The following BNC2 variants were observed in gnomAD, a reference collection of about 807,000 sequenced individuals.
The protein encoded by BNC2 is zinc finger protein basonuclin-2.
BNC2 carries 20 observed loss-of-function variants against 76.3 expected under a neutral mutation model. The ratio of observed to expected loss-of-function variants is 0.26; its 90% CI spans 0.18 to 0.38. BNC2 has a LOEUF of 0.38. BNC2 is among the 10% of genes least tolerant of loss of function. The pLI is 1.00. For synonymous variants in BNC2, 582 were observed against 514.8 expected (o/e 1.13, Z -1.77); for missense variants, 1,382 against 1,399.8 (o/e 0.99, Z 0.20).
chr9:16,768,533 A>T lies in BNC2; in HGVS notation c.4-30048T>A, dbSNP rs139318703. ...TGGGATATGTTCAATTTGATAGACC[A>T]AATGCACATGTTAGTAGAATAAATG... On this transcript the variant is annotated intron_variant, in intron 1 of 6. Coordinates refer to ENST00000380672, the MANE Select transcript of BNC2 (RefSeq NM_017637.6). Among the ~76,000 whole-genome samples, 83 of 152,324 alleles carry T rather than the reference A, an allele frequency of 5.4e-4. 1 individual carries two copies. The East Asian group carries it at 0.016, about 29-fold the overall frequency.
intron 3 of BNC2, among the ~76,000 whole-genome samples, chr9:16,629,956 A>G (rs577328944): frequency 6.6e-6 from 1 of 152,328 alleles, no homozygotes; most frequent in African/African-American, 2.4e-5. Flanking sequence ...TGACTCTTCC[A>G]TTCAGAAAAG....
At chr9:16,525,022 G>A (rs1325698221) in intron 5 of BNC2, among the ~76,000 whole-genome samples, 1 of 149,334 alleles carries the variant, frequency 6.7e-6, no homozygotes, top group Non-Finnish European at 1.5e-5. Flanking sequence ...GCAGTGAGCT[G>A]TGATAGCGCC....
At chr9:16,522,050 G>C (rs79489131) in intron 5 of BNC2, among the ~76,000 whole-genome samples, 110 of 152,214 alleles carry the variant, frequency 7.2e-4, no homozygotes, top group African/African-American at 2.6e-3. Context: ...TCCTCTGCTT[G>C]AGCTGAGATG....
chr9:16,855,139 G>A (rs1227395433), intron 1 of BNC2, among the ~76,000 whole-genome samples: 2 of 151,998 alleles, frequency 1.3e-5, no homozygotes, highest in African/African-American at 4.8e-5. Context: ...CATGGCGTGT[G>A]TGTGTGTGTG....
intron 3 of BNC2, among the ~76,000 whole-genome samples, chr9:16,623,182 T>C (rs577714015): frequency 5.3e-5 from 8 of 152,274 alleles, no homozygotes; most frequent in African/African-American, 1.9e-4. Flanking sequence ...CATGTATCCT[T>C]GCTTTATGGA....
chr9:16,669,637 A>T (rs1171758832), intron 3 of BNC2, among the ~76,000 whole-genome samples: 1 of 152,216 alleles, frequency 6.6e-6, no homozygotes, highest in Non-Finnish European at 1.5e-5. Context: ...AGGGAATTAA[A>T]GTATGTGAGA....
At chr9:16,487,958 C>A (rs1362484232) in intron 5 of BNC2, among the ~76,000 whole-genome samples, 2 of 152,174 alleles carry the variant, frequency 1.3e-5, no homozygotes, top group South Asian at 2.1e-4. Flanking sequence ...GAAGAGAGGG[C>A]TCAATCCCGG....
At chr9:16,510,181 G>A (rs940752645) in intron 5 of BNC2, among the ~76,000 whole-genome samples, 2 of 152,150 alleles carry the variant, frequency 1.3e-5, no homozygotes, top group African/African-American at 4.8e-5. Flanking sequence ...TAGAGAAGCT[G>A]GCCTCAGTGC....
chr9:16,708,966 C>T (rs544983790), intron 3 of BNC2, among the ~76,000 whole-genome samples: 7 of 152,106 alleles, frequency 4.6e-5, no homozygotes, highest in Non-Finnish European at 7.4e-5. Context: ...TAATTTATAA[C>T]GCTTCACCCT....
chr9:16,795,405 C>T (rs567375898), intron 1 of BNC2, among the ~76,000 whole-genome samples: 2 of 147,262 alleles, frequency 1.4e-5, no homozygotes, highest in African/African-American at 5.0e-5. Flanking sequence ...TTTTTAAACA[C>T]ACTCCAGAAG....
intron 3 of BNC2, among the ~76,000 whole-genome samples, chr9:16,682,549 AGTT>A (rs1172206250): frequency 6.6e-6 from 1 of 152,096 alleles, no homozygotes; most frequent in African/African-American, 2.4e-5. Flanking sequence ...GAGCAGCCAC[AGTT>A]GTTCATTAAT....
chr9:16,674,456 C>G (rs564441736), intron 3 of BNC2, among the ~76,000 whole-genome samples: 65 of 152,228 alleles, frequency 4.3e-4, no homozygotes, highest in Admixed American at 3.7e-3. Flanking sequence ...AAGGAGTATC[C>G]TGGTGTCATG....
At chr9:16,539,827 A>AGGAAGGGAAG (rs1563831116) in intron 5 of BNC2, among the ~76,000 whole-genome samples, 1 of 119,842 alleles carries the variant, frequency 8.3e-6, no homozygotes, top group Non-Finnish European at 1.8e-5. Context: ...AGGAAAGGAA[A>AGGAAGGGAAG]GGAAGGGAAG....
chr9:16,747,607 G>A (rs563992999), intron 1 of BNC2, among the ~76,000 whole-genome samples: 1 of 152,298 alleles, frequency 6.6e-6, no homozygotes, highest in Non-Finnish European at 1.5e-5. Context: ...GTCAAACTGG[G>A]AATTCAAGAC....
At chr9:16,734,484 C>G (rs912683088) in intron 2 of BNC2, among the ~76,000 whole-genome samples, 11 of 152,186 alleles carry the variant, frequency 7.2e-5, no homozygotes, top group Admixed American at 2.6e-4. Context: ...TTATACATGT[C>G]ACTTCATATT....
chr9:16,759,674 T>C (rs1825494814), intron 1 of BNC2, among the ~76,000 whole-genome samples: 2 of 152,084 alleles, frequency 1.3e-5, no homozygotes, highest in Admixed American at 6.6e-5. Flanking sequence ...CAACTGAAGG[T>C]AGAAGTCACA....
chr9:16,695,364 T>G (rs555684511), intron 3 of BNC2, among the ~76,000 whole-genome samples: 6 of 152,092 alleles, frequency 3.9e-5, no homozygotes, highest in Non-Finnish European at 8.8e-5. Context: ...TGATGTGCAT[T>G]TGTGACTCGC....
intron 4 of BNC2, among the ~76,000 whole-genome samples, chr9:16,558,833 C>T (rs1302808766): frequency 6.6e-6 from 1 of 150,702 alleles, no homozygotes; most frequent in Non-Finnish European, 1.5e-5. Flanking sequence ...ACTCAGGAGG[C>T]TGAAGCAGGA....
chr9:16,799,202 T>C (rs906634008), intron 1 of BNC2, among the ~76,000 whole-genome samples: 2 of 152,224 alleles, frequency 1.3e-5, no homozygotes, highest in African/African-American at 4.8e-5. Flanking sequence ...AAGCAGAAAT[T>C]AGTCATAACT....
Sources: allele counts gnomAD v4.1 joint callset (sites outside exome capture counted in the v4.1 genomes callset), GRCh38; gene constraint gnomAD v4.1.1; transcripts MANE v1.5; gene names NCBI Gene and HGNC (gene_info 2026-07-23, HGNC 2026-07-21).